The following HUWE1 variants were observed in gnomAD, a reference collection of about 807,000 sequenced individuals.
HUWE1 encodes the protein E3 ubiquitin-protein ligase HUWE1.
Under a neutral mutation model 299.4 loss-of-function variants are expected in HUWE1, and 18 were observed. The observed-to-expected ratio is 0.06, with a 90% confidence interval of 0.04 to 0.09. The LOEUF is 0.09. HUWE1 is among the 10% of genes least tolerant of loss of function. HUWE1 has a pLI of 1.00. For missense variants in HUWE1, 1,832 were observed against 3,462.3 expected, an observed-to-expected ratio of 0.53 and a Z score of 11.82; for synonymous variants, 1,317 against 1,286.1, an observed-to-expected ratio of 1.02 and a Z score of -0.51.
intron 42 of HUWE1, among the ~76,000 whole-genome samples, chrX:53,583,014 A>T (rs1249613019): frequency 8.9e-6 from 1 of 112,529 alleles, no homozygotes. Flanking sequence ...TTTTATAAGT[A>T]CGTTGCTATT....
intron 70 of HUWE1, among the ~76,000 whole-genome samples, chrX:53,546,173 C>T (rs887451158): frequency 9.9e-5 from 11 of 111,243 alleles, no homozygotes; most frequent in African/African-American, 3.3e-4. Context: ...CCCATGTGTT[C>T]TCTTTTCTCT....
In HUWE1 at chrX:53,552,478, T is replaced by C. The variant is rs782019643; in HGVS notation, c.8751-37A>G. On this transcript the variant is annotated intron_variant, in intron 62 of 83. Transcript: ENST00000262854. ...CATGCTCAGGTTGCTGTCTGTATTA[T>C]GTCTTCTCGTTTATAAAACACTGCT... 1.6e-5 allele frequency: 19 copies of C among 1,207,444 alleles called. No homozygotes were observed. The South Asian group carries it at 3.0e-4, about 19-fold the overall frequency.
At chrX:53,535,044 C>A (rs1259383803) in intron 81 of HUWE1, among the ~76,000 whole-genome samples, 1 of 109,908 alleles carries the variant, frequency 9.1e-6, no homozygotes, top group East Asian at 2.9e-4. Flanking sequence ...TCAAGCAATT[C>A]TTCTGTCTCA....
At chrX:53,627,667 G>A in intron 16 of HUWE1, 72 bp downstream of exon 16, 2 of 1,019,917 alleles carry the variant, frequency 2.0e-6, no homozygotes, top group East Asian at 6.1e-5. Flanking sequence ...GCTCTTTAGG[G>A]TTATCAGGAC....
intron 12 of HUWE1, among the ~76,000 whole-genome samples, chrX:53,630,106 A>G (rs1569501343): frequency 8.9e-6 from 1 of 112,151 alleles, no homozygotes. Context: ...TGAGGTTAAT[A>G]CCGGACACAG....
At position 53,548,263 on chromosome X, in the gene HUWE1, C is replaced by G; in HGVS notation, c.10046G>C (p.Ser3349Thr). 8.3e-7 allele frequency: 1 copy of G among 1,209,222 alleles called. No individual in the cohort carries two copies. Among genetic ancestry groups the G allele is most frequent in the South Asian group, 1.8e-5 (1 of 56,324 alleles). Reference protein sequence around the residue: ...TLIQLAKVFPSHFTQQRTKET... With the variant: ...TLIQLAKVFPTHFTQQRTKET... ...TTTGGTCCGCTGCTGTGTGAAGTGG[C>G]TGGGAAATACCTGCCGGGAAAAGGA... is the stretch of plus-strand genomic sequence containing the variant. The change falls in exon 68 of 84, where the codon AGC becomes ACC. Residue 3349 changes from serine to threonine, a missense_variant. Transcript: ENST00000262854.
intron 2 of HUWE1, chrX:53,683,827 C>T: frequency 4.1e-6 from 1 of 242,740 alleles, no homozygotes; most frequent in Non-Finnish European, 7.4e-6. Context: ...TAACAGCAGG[C>T]GGACCGACCC....
chrX:53,549,551 C>T (rs782556863), intron 66 of HUWE1, 46 bp from the exon 67 acceptor site: 22 of 1,079,975 alleles, frequency 2.0e-5, no homozygotes, highest in African/African-American at 3.7e-5. Flanking sequence ...GTGGCTAGAG[C>T]TCTGGGATTA....
In HUWE1 at chrX:53,665,589, G is replaced by A. The variant is rs782790914; in HGVS notation, c.-24-11458C>T. On this transcript the variant is annotated intron_variant, in intron 3 of 83. Coordinates refer to ENST00000262854, the MANE Select transcript of HUWE1 (RefSeq NM_031407.7). ...TGCAGATCTGGGAGTTATCCTTCCC[G>A]GATACTCCCAATTACTTAGAGAAAC... Among the ~76,000 whole-genome samples, 9 of 111,802 alleles carry A rather than the reference G, an allele frequency of 8.0e-5. No individual in the cohort carries two copies. In the East Asian group the frequency reaches 2.0e-3, roughly 24 times the overall value.
chrX:53,662,616 G>A (rs782072893), intron 3 of HUWE1, among the ~76,000 whole-genome samples: 7 of 111,920 alleles, frequency 6.3e-5, no homozygotes, highest in Non-Finnish European at 1.1e-4. Flanking sequence ...TACCTAGCAC[G>A]GTATCTTCCA....
chrX:53,563,607 G>A (rs1009056874), intron 52 of HUWE1, 139 bp downstream of exon 52: 11 of 664,566 alleles, frequency 1.7e-5, no homozygotes, highest in African/African-American at 4.4e-5. Context: ...CTGTAAGACC[G>A]TCAACATCAA....
At chrX:53,659,724 T>C (rs782238411) in intron 3 of HUWE1, among the ~76,000 whole-genome samples, 1 of 111,899 alleles carries the variant, frequency 8.9e-6, no homozygotes, top group African/African-American at 3.3e-5. Flanking sequence ...GATTAATCAA[T>C]TGTAACAAGT....
Position 53,547,780 on chromosome X carries a change from G to A in HUWE1, c.10529C>T (p.Pro3510Leu), listed in dbSNP as rs782013868. 2.5e-6 allele frequency: 3 copies of A among 1,200,426 alleles called. No homozygotes were observed. The highest frequency in any genetic ancestry group is 4.5e-5 in the Admixed American group (2 of 44,823). ...TTPTPPTAPT[P>L]VTSAPALVAA... ...AACCAGGGCTGGAGCAGAAGTGACAGGGGTGGGTGCAGTAGGGGGTGTGGG... is the reference window on the plus strand; with the variant it reads ...AACCAGGGCTGGAGCAGAAGTGACAAGGGTGGGTGCAGTAGGGGGTGTGGG... The change falls in exon 68 of 84, where the codon CCT (proline) becomes CTT (leucine). Residue 3510 changes from proline (P) to leucine (L), a missense_variant. Pro to Leu is a moderately conservative substitution (Grantham distance 98). Coordinates refer to ENST00000262854, the MANE Select transcript of HUWE1 (RefSeq NM_031407.7).
chrX:53,672,551 G>A (rs928113655), intron 3 of HUWE1, among the ~76,000 whole-genome samples: 2 of 111,057 alleles, frequency 1.8e-5, no homozygotes, highest in Non-Finnish European at 3.8e-5. Flanking sequence ...GAGCCACTGC[G>A]CCCGGCTGAG....
chrX:53,656,386 A>C lies in HUWE1; in HGVS notation c.-24-2255T>G, dbSNP rs782444447. Reference sequence around the variant, plus strand: ...CGAGACTCCATCTCAAAATAAAAAAAAATAAATTAGCCAGGCGTGGTGGCG... The same window carrying C: ...CGAGACTCCATCTCAAAATAAAAAACAATAAATTAGCCAGGCGTGGTGGCG... On this transcript the variant is annotated intron_variant, in intron 3 of 83. Coordinates refer to ENST00000262854, the MANE Select transcript of HUWE1 (RefSeq NM_031407.7). 4.4e-4 allele frequency among the ~76,000 whole-genome samples: 47 copies of C among 107,695 alleles called. 1 individual carries two copies. In the South Asian group the frequency reaches 0.019, roughly 44 times the overall value. 93.5% of individuals were successfully genotyped at this position (107,695 alleles called of 115,157 possible).
chrX:53,623,371 A>T lies in HUWE1; in HGVS notation c.1672+1224T>A, dbSNP rs1013641332. ...CACCGTAAAACAAATCTTAAAAAAA[A>T]ACAAAAAAACCCCAAAGAACTATTG... On this transcript the variant is annotated intron_variant, in intron 19 of 83. Coordinates refer to ENST00000262854, the MANE Select transcript of HUWE1 (RefSeq NM_031407.7). 2.7e-5 allele frequency among the ~76,000 whole-genome samples: 3 copies of T among 111,805 alleles called. No individual in the cohort carries two copies. In the Admixed American group the frequency reaches 2.8e-4, roughly 11 times the overall value.
chrX:53,586,522 T>C lies in HUWE1; in HGVS notation c.4792A>G (p.Ile1598Val). Residue 1598 changes from isoleucine (I) to valine (V), a missense_variant, in exon 39 of 84, where the codon ATC (isoleucine) becomes GTC (valine). Ile to Val is a conservative substitution (Grantham distance 29). Around this residue, in one of 15 missense-constraint regions of HUWE1, gnomAD observed 658 missense variants for 1,282.6 expected, o/e 0.51. Coordinates refer to ENST00000262854, the MANE Select transcript of HUWE1 (RefSeq NM_031407.7). ...LLIDFYEKTA[I>V]SSKRRAQMTK... ...ATCTGGGCTCTCCTTTTTGAGGAGA[T>C]GGCTGTCTTTTCATAGAAATCAATC... is the stretch of plus-strand genomic sequence containing the variant. 2 of 1,207,103 alleles carry C rather than the reference T, an allele frequency of 1.7e-6. No homozygotes were observed. The highest frequency in any genetic ancestry group is 2.2e-6 in the Non-Finnish European group (2 of 891,493).
In HUWE1 at chrX:53,583,673, C is replaced by T. The variant is rs782692841; in HGVS notation, c.5405G>A (p.Arg1802His). Residue 1802 changes from arginine to histidine, a missense_variant, in exon 42 of 84, where the codon CGC (arginine) becomes CAC (histidine). Physicochemically the swap from Arg to His is conservative, Grantham distance 29. Around this residue, in one of 15 missense-constraint regions of HUWE1, gnomAD observed 50 missense variants for 114.9 expected, o/e 0.44. Transcript: ENST00000262854. ...AMMFAELKST[R>H]MILNLTQSSG... ...GCTCTGGGTCAAATTCAAGATCATG[C>T]GGGTACTCTTCAGTTCTGCAAACAT... 3.7e-5 allele frequency: 45 copies of T among 1,208,158 alleles called. No individual in the cohort carries two copies. Among genetic ancestry groups the T allele is most frequent in the Non-Finnish European group, 4.5e-5 (40 of 893,854 alleles).
intron 8 of HUWE1, 103 bp from the exon 9 acceptor site, chrX:53,632,667 T>C (rs2066950599): frequency 1.6e-6 from 1 of 608,974 alleles, no homozygotes; most frequent in African/African-American, 2.2e-5. Flanking sequence ...GTTCAACTTA[T>C]TGTGGCAGAA....
Sources: allele counts gnomAD v4.1 joint callset (sites outside exome capture counted in the v4.1 genomes callset), GRCh38; gene constraint gnomAD v4.1.1; regional missense constraint gnomAD v4.1.1; transcripts MANE v1.5; gene names NCBI Gene and HGNC (gene_info 2026-07-23, HGNC 2026-07-21).